The following CORIN variants were observed in gnomAD, a reference collection of about 807,000 sequenced individuals.
CORIN encodes the protein corin, serine peptidase.
CORIN carries 117 observed loss-of-function variants against 125.3 expected under a neutral mutation model. The observed-to-expected ratio is 0.93, with a 90% confidence interval of 0.80 to 1.09. The LOEUF (loss-of-function observed/expected upper bound fraction) is 1.09. CORIN is among the 50% of genes least tolerant of loss of function. CORIN has a pLI of 0.00. For synonymous variants in CORIN, 450 were observed against 466.4 expected (o/e 0.96, Z 0.45); for missense variants, 1,253 against 1,306.7 (o/e 0.96, Z 0.63).
At chr4:47,609,069 A>G (rs1721767643) in intron 19 of CORIN, among the ~76,000 whole-genome samples, 1 of 152,160 alleles carries the variant, frequency 6.6e-6, no homozygotes, top group Non-Finnish European at 1.5e-5. Flanking sequence ...CTATTTTACA[A>G]GACTTACTCC....
intron 3 of CORIN, among the ~76,000 whole-genome samples, chr4:47,775,988 G>A (rs182577806): frequency 1.3e-5 from 2 of 150,482 alleles, no homozygotes; most frequent in African/African-American, 4.9e-5. Context: ...AACCTCCCAG[G>A]CTCAAGTGCT....
chr4:47,623,724 G>A lies in CORIN; in HGVS notation c.2387C>T (p.Ala796Val), dbSNP rs1392153223. The change falls in exon 19 of 22, where the codon GCC becomes GTC. Residue 796 changes from alanine (A) to valine (V), a missense_variant. Transcript: ENST00000273857. ...TKQDCGRRPA[A>V]RMNKRILGGR... ...TCCAAGGATCCTTTTGTTCATTCGG[G>A]CAGCAGGGCGGCGCCCACAGTCTAC... 1 of 1,614,160 alleles carries A rather than the reference G, an allele frequency of 6.2e-7. No homozygotes were observed. The highest frequency in any genetic ancestry group is 8.5e-7 in the Non-Finnish European group (1 of 1,180,024).
chr4:47,743,753 C>T (rs1728527235), intron 5 of CORIN, among the ~76,000 whole-genome samples: 1 of 152,046 alleles, frequency 6.6e-6, no homozygotes, highest in African/African-American at 2.4e-5. Flanking sequence ...GGCATGATGG[C>T]GTGCACCTAT....
At chr4:47,716,879 T>A (rs1727114208) in intron 5 of CORIN, among the ~76,000 whole-genome samples, 1 of 152,056 alleles carries the variant, frequency 6.6e-6, no homozygotes, top group Admixed American at 6.5e-5. Flanking sequence ...TTCATACTGT[T>A]AAAAATAACA....
intron 10 of CORIN, among the ~76,000 whole-genome samples, chr4:47,669,023 CACTAGAGGGAGATCGCATCACAA>C (rs1724609540): frequency 6.6e-6 from 1 of 152,098 alleles, no homozygotes; most frequent in Admixed American, 6.5e-5. Flanking sequence ...TAAAAATCGC[CACTAGAGGGAGATCGCATCACAA>C]ACGTGAGGAT....
At chr4:47,648,593 T>C (rs1230796785) in intron 13 of CORIN, among the ~76,000 whole-genome samples, 2 of 152,180 alleles carry the variant, frequency 1.3e-5, no homozygotes, top group Admixed American at 6.5e-5. Context: ...ATAAAAACAG[T>C]TGTCATTACA....
intron 16 of CORIN, among the ~76,000 whole-genome samples, chr4:47,632,725 TGA>T (rs1491155686): frequency 7.9e-6 from 1 of 126,658 alleles, no homozygotes; most frequent in Non-Finnish European, 1.6e-5. Flanking sequence ...TGACAATAGA[TGA>T]TAGATAGATA....
chr4:47,686,631 A>G (rs1322976720), intron 6 of CORIN, among the ~76,000 whole-genome samples: 2 of 152,168 alleles, frequency 1.3e-5, no homozygotes, highest in Non-Finnish European at 2.9e-5. Context: ...ATTCTAAAAG[A>G]TCTTTTTGAT....
At chr4:47,606,075 C>G (rs1721634633) in intron 19 of CORIN, among the ~76,000 whole-genome samples, 1 of 152,058 alleles carries the variant, frequency 6.6e-6, no homozygotes, top group Non-Finnish European at 1.5e-5. Flanking sequence ...AGATATATAG[C>G]AATTTTCTCT....
In CORIN at chr4:47,626,431, G is replaced by T. The variant is rs61759683; in HGVS notation, c.2289C>A (p.Thr763=). 7 of 1,610,300 alleles carry T rather than the reference G, an allele frequency of 4.3e-6. No homozygotes were observed. Among genetic ancestry groups the T allele is most frequent in the African/African-American group, 4.0e-5 (3 of 74,834 alleles). The change falls in exon 17 of 22, where the codon ACC becomes ACA. Residue 763 remains threonine (T), a synonymous_variant. Transcript: ENST00000273857. Reference sequence around the variant, plus strand: ...CATTTACTAGAAGTTCATGTAAAGTGGTCCCATTGAGGCTCTCCCAGTTGG... The same window carrying T: ...CATTTACTAGAAGTTCATGTAAAGTTGTCCCATTGAGGCTCTCCCAGTTGG... ...LHSNWESLNG[T]TLHELLVNGQ...
At chr4:47,643,963 G>A (rs953618946) in intron 14 of CORIN, among the ~76,000 whole-genome samples, 2 of 152,264 alleles carry the variant, frequency 1.3e-5, no homozygotes, top group South Asian at 2.1e-4. Flanking sequence ...CTTGACCTAC[G>A]GTTGTGTGAT....
intron 1 of CORIN, among the ~76,000 whole-genome samples, chr4:47,835,793 A>C (rs141867264): frequency 1.3e-5 from 2 of 152,290 alleles, no homozygotes; most frequent in East Asian, 3.9e-4. Flanking sequence ...TGCTGTTGCT[A>C]TTGTGATTTC....
chr4:47,637,048 T>C (rs1027156160), intron 16 of CORIN, among the ~76,000 whole-genome samples: 3 of 152,160 alleles, frequency 2.0e-5, no homozygotes, highest in Non-Finnish European at 4.4e-5. Flanking sequence ...TGAGGTGGTC[T>C]CAGATGGAAA....
intron 2 of CORIN, among the ~76,000 whole-genome samples, chr4:47,802,911 G>GGA (rs996659611): frequency 5.9e-5 from 9 of 152,226 alleles, no homozygotes; most frequent in Non-Finnish European, 8.8e-5. Context: ...CTCAGCACAG[G>GGA]GAGAGAGAGA....
intron 1 of CORIN, among the ~76,000 whole-genome samples, chr4:47,826,458 C>T (rs1400484812): frequency 6.6e-6 from 1 of 152,244 alleles, no homozygotes; most frequent in Non-Finnish European, 1.5e-5. Context: ...AAGGCTGCTT[C>T]CTTCTGAAGG....
chr4:47,640,811 T>C (rs370122201), intron 16 of CORIN, among the ~76,000 whole-genome samples: 1 of 152,212 alleles, frequency 6.6e-6, no homozygotes, highest in Non-Finnish European at 1.5e-5. Flanking sequence ...TTCAACCTTA[T>C]ACCAATAAGG....
intron 5 of CORIN, among the ~76,000 whole-genome samples, chr4:47,715,710 G>C (rs1002309601): frequency 9.2e-5 from 14 of 152,166 alleles, no homozygotes; most frequent in African/African-American, 3.4e-4. Context: ...TGATAACATT[G>C]GTCCCATGAT....
At chr4:47,744,668 G>T in intron 4 of CORIN, 85 bp from the exon 5 acceptor site, 1 of 1,269,050 alleles carries the variant, frequency 7.9e-7, no homozygotes, top group Non-Finnish European at 1.1e-6. Flanking sequence ...GTTAGCCCCT[G>T]TGTTGTGATA....
intron 2 of CORIN, among the ~76,000 whole-genome samples, chr4:47,797,019 TG>T (rs1731317186): frequency 6.6e-6 from 1 of 151,968 alleles, no homozygotes; most frequent in Non-Finnish European, 1.5e-5. Flanking sequence ...GTGGAGTCCC[TG>T]AGGGTAGGCT....
Sources: allele counts gnomAD v4.1 joint callset (sites outside exome capture counted in the v4.1 genomes callset), GRCh38; gene constraint gnomAD v4.1.1; transcripts MANE v1.5; gene names NCBI Gene and HGNC (gene_info 2026-07-23, HGNC 2026-07-21).